Variants in TGFBR3 observed in about 807,000 individuals in gnomAD.
TGFBR3 encodes the protein transforming growth factor beta receptor type 3.
TGFBR3 carries 46 observed loss-of-function variants against 87.9 expected under a neutral mutation model. That is an observed-to-expected ratio of 0.52 (90% CI 0.41 to 0.67). The LOEUF (loss-of-function observed/expected upper bound fraction) is 0.67. TGFBR3 is among the 30% of genes least tolerant of loss of function. The pLI, the probability that TGFBR3 is intolerant of heterozygous loss-of-function variation, is 0.00. For synonymous variants in TGFBR3, 381 were observed against 391.6 expected, an observed-to-expected ratio of 0.97 and a Z score of 0.32; for missense variants, 866 against 1,041.9, an observed-to-expected ratio of 0.83 and a Z score of 2.32.
intron 2 of TGFBR3, among the ~76,000 whole-genome samples, chr1:91,845,254 C>A (rs1480739707): frequency 6.6e-6 from 1 of 152,124 alleles, no homozygotes; most frequent in East Asian, 1.9e-4. Context: ...AAGATTTGGT[C>A]TGGGATTTGT....
At chr1:91,729,186 C>CACAT (rs1373376971) in intron 6 of TGFBR3, among the ~76,000 whole-genome samples, 4 of 144,000 alleles carry the variant, frequency 2.8e-5, no homozygotes, top group Admixed American at 6.8e-5. Context: ...CACACACACA[C>CACAT]ACACACACAC....
intron 2 of TGFBR3, among the ~76,000 whole-genome samples, chr1:91,847,300 T>C (rs1038727734): frequency 6.6e-6 from 1 of 151,514 alleles, no homozygotes; most frequent in African/African-American, 2.4e-5. Flanking sequence ...TAGACTGGAG[T>C]GTGATTATAA....
At chr1:91,705,873 T>C (rs1671784277) in intron 14 of TGFBR3, among the ~76,000 whole-genome samples, 1 of 152,232 alleles carries the variant, frequency 6.6e-6, no homozygotes. Flanking sequence ...AAAACTTTCC[T>C]CTTGAACTTT....
Position 91,780,551 on chromosome 1 carries a change from C to CTTTTTTTT in TGFBR3, c.246+16728_246+16735dup, listed in dbSNP as rs60294904. On this transcript the variant is annotated intron_variant, in intron 3 of 16. Coordinates refer to ENST00000212355, the MANE Select transcript of TGFBR3 (RefSeq NM_003243.5). ...TACTAGTTCCCGCAAGGGTCTAAGG[C>CTTTTTTTT]TTTTTTTTTTTTTTTTTTTTTTTCT... 1.2e-3 allele frequency among the ~76,000 whole-genome samples: 94 copies of CTTTTTTTT among 77,164 alleles called. 2 individuals are homozygous for CTTTTTTTT. The highest frequency in any genetic ancestry group is 1.4e-3 in the African/African-American group (25 of 18,356). 50.6% of individuals were successfully genotyped at this position (77,164 alleles called of 152,430 possible).
chr1:91,753,277 C>G (rs1343648932), intron 4 of TGFBR3, among the ~76,000 whole-genome samples: 1 of 150,660 alleles, frequency 6.6e-6, no homozygotes. Context: ...GTAGTCCCAG[C>G]TACTCGGGAG....
intron 3 of TGFBR3, among the ~76,000 whole-genome samples, chr1:91,792,909 G>A (rs1675246364): frequency 6.6e-6 from 1 of 152,148 alleles, no homozygotes; most frequent in South Asian, 2.1e-4. Context: ...TTTCCTGTTC[G>A]CTTCCAAGGC....
Position 91,872,739 on chromosome 1 carries a change from G to A in TGFBR3, c.-113-11095C>T, listed in dbSNP as rs185076157. The stretch of plus-strand genomic sequence containing the variant: ...TGCTTTTCATCTTTGTAGCCTGCTG[G>A]GTTAAAGGGCAAACCACAGGCAGAG... On this transcript the variant is annotated intron_variant, in intron 1 of 16. Coordinates refer to ENST00000212355, the MANE Select transcript of TGFBR3 (RefSeq NM_003243.5). Among the ~76,000 whole-genome samples, 501 of 152,218 alleles carry A rather than the reference G, an allele frequency of 3.3e-3. 2 individuals carry two copies. Among genetic ancestry groups the A allele is most frequent in the Non-Finnish European group, 3.7e-3 (251 of 68,028 alleles).
intron 2 of TGFBR3, among the ~76,000 whole-genome samples, chr1:91,802,488 G>C (rs895143688): frequency 1.3e-5 from 2 of 151,862 alleles, no homozygotes; most frequent in Admixed American, 6.6e-5. Context: ...AGCCTCCCAG[G>C]TAGCTAGGAT....
chr1:91,701,251 T>G (rs1025097822), intron 14 of TGFBR3, among the ~76,000 whole-genome samples: 2 of 151,956 alleles, frequency 1.3e-5, no homozygotes, highest in Non-Finnish European at 2.9e-5. Flanking sequence ...CTTCGTGATT[T>G]CTGAGCACAA....
chr1:91,712,651 C>T, intron 12 of TGFBR3, 109 bp from the exon 13 acceptor site: 1 of 943,940 alleles, frequency 1.1e-6, no homozygotes, highest in Non-Finnish European at 1.7e-6. Flanking sequence ...GCTGCTTTAT[C>T]TTCATAACAT....
At chr1:91,755,240 A>G (rs750988708) in intron 4 of TGFBR3, among the ~76,000 whole-genome samples, 21 of 152,328 alleles carry the variant, frequency 1.4e-4, no homozygotes, top group East Asian at 3.9e-4. Flanking sequence ...ATTGATCACC[A>G]GACCCTCTGT....
chr1:91,768,267 T>C (rs969964900), intron 3 of TGFBR3, among the ~76,000 whole-genome samples: 4 of 151,750 alleles, frequency 2.6e-5, no homozygotes, highest in Non-Finnish European at 5.9e-5. Flanking sequence ...CTGACCTATG[T>C]CCTGTTGACC....
chr1:91,708,524 G>A, intron 14 of TGFBR3, 139 bp downstream of exon 14: 2 of 1,333,416 alleles, frequency 1.5e-6, no homozygotes, highest in East Asian at 2.4e-5. Context: ...GACTCTTCGG[G>A]CAAAAAATGG....
At chr1:91,750,387 A>G (rs1029022067) in intron 4 of TGFBR3, among the ~76,000 whole-genome samples, 1 of 152,208 alleles carries the variant, frequency 6.6e-6, no homozygotes, top group Non-Finnish European at 1.5e-5. Context: ...ACATTTAGGA[A>G]GAGCTCAATG....
At chr1:91,892,437 AATGTT>A (rs2101333258) in intron 2 of TGFBR3, among the ~76,000 whole-genome samples, 1 of 152,296 alleles carries the variant, frequency 6.6e-6, no homozygotes, top group East Asian at 1.9e-4. Context: ...TGAATTATGT[AATGTT>A]ATTTTGTGCT....
chr1:91,893,009 AC>A (rs1679481045), intron 2 of TGFBR3, among the ~76,000 whole-genome samples: 2 of 152,162 alleles, frequency 1.3e-5, no homozygotes, highest in Admixed American at 1.3e-4. Flanking sequence ...AACCTCATTG[AC>A]TTCATTTCAA....
chr1:91,683,655 G>T lies in TGFBR3; in HGVS notation c.*84C>A. 1 of 1,138,852 alleles carries T rather than the reference G, an allele frequency of 8.8e-7. No individual in the cohort carries two copies. Among genetic ancestry groups the T allele is most frequent in the Non-Finnish European group, 1.3e-6 (1 of 791,132 alleles). 70.5% of individuals were successfully genotyped at this position (1,138,852 alleles called of 1,614,324 possible). A position where few individuals can be genotyped will look rare whatever the true frequency, so the allele number is the denominator to read the frequency against. On this transcript the variant is annotated 3_prime_UTR_variant, in exon 17 of 17. Coordinates refer to ENST00000212355, the MANE Select transcript of TGFBR3 (RefSeq NM_003243.5). Reference sequence around the variant, plus strand: ...AATCCAGCCCTCTGAGTCTGGACACGAGGCTCAGCCATTGGTCCTGCCCTT... The same window carrying T: ...AATCCAGCCCTCTGAGTCTGGACACTAGGCTCAGCCATTGGTCCTGCCCTT...
At chr1:91,722,424 C>T (rs963123310) in intron 7 of TGFBR3, among the ~76,000 whole-genome samples, 2 of 151,996 alleles carry the variant, frequency 1.3e-5, no homozygotes, top group African/African-American at 4.8e-5. Flanking sequence ...ACTAAGTATG[C>T]CTAGTCTATA....
chr1:91,874,058 C>T (rs1262249703), intron 1 of TGFBR3, among the ~76,000 whole-genome samples: 2 of 151,990 alleles, frequency 1.3e-5, no homozygotes, highest in Non-Finnish European at 2.9e-5. Flanking sequence ...CAACAGAGAA[C>T]AAAACATAAA....
Sources: allele counts gnomAD v4.1 joint callset (sites outside exome capture counted in the v4.1 genomes callset), GRCh38; gene constraint gnomAD v4.1.1; transcripts MANE v1.5; gene names NCBI Gene and HGNC (gene_info 2026-07-23, HGNC 2026-07-21).